Variants in SLC7A11 observed in about 807,000 individuals in gnomAD.
SLC7A11 encodes cystine/glutamate transporter.
SLC7A11 carries 35 observed loss-of-function variants against 54.5 expected under a neutral mutation model. That is an observed-to-expected ratio of 0.64 (90% confidence interval 0.49 to 0.85). The LOEUF (loss-of-function observed/expected upper bound fraction) is 0.85. SLC7A11 is among the 40% of genes least tolerant of loss of function. The probability of loss-of-function intolerance (pLI) is 0.00; values close to 1 mark genes in which losing one functional copy is unlikely to be tolerated. For missense variants in SLC7A11, 583 were observed against 618.1 expected, an observed-to-expected ratio of 0.94 and a Z score of 0.60; for synonymous variants, 230 against 225.2, an observed-to-expected ratio of 1.02 and a Z score of -0.19.
intron 9 of SLC7A11, among the ~76,000 whole-genome samples, 167 bp downstream of exon 9, chr4:138,182,130 A>G (rs554349502): frequency 1.3e-5 from 2 of 152,266 alleles, no homozygotes; most frequent in African/African-American, 4.8e-5. Context: ...CATCAGAAAC[A>G]TGGAGTAAAG....
At chr4:138,209,158 A>C (rs182884762) in intron 6 of SLC7A11, among the ~76,000 whole-genome samples, 32 of 152,132 alleles carry the variant, frequency 2.1e-4, no homozygotes, top group African/African-American at 6.0e-4. Context: ...ATTTTCACTA[A>C]TCTAAATTAA....
chr4:138,203,171 T>C (rs1350177444), intron 6 of SLC7A11, among the ~76,000 whole-genome samples: 28 of 152,128 alleles, frequency 1.8e-4, no homozygotes, highest in Admixed American at 1.8e-3. Context: ...CCTACATTTG[T>C]TCTCATATAT....
At chr4:138,229,054 CT>C (rs1560738890) in intron 3 of SLC7A11, among the ~76,000 whole-genome samples, 2 of 152,136 alleles carry the variant, frequency 1.3e-5, no homozygotes, top group South Asian at 4.2e-4. Context: ...ATTTGAAATT[CT>C]TTTTTTCTAT....
At chr4:138,223,963 G>C (rs1737879199) in intron 3 of SLC7A11, among the ~76,000 whole-genome samples, 1 of 152,126 alleles carries the variant, frequency 6.6e-6, no homozygotes, top group Non-Finnish European at 1.5e-5. Context: ...AGACTAACCA[G>C]GCTAGAATGC....
At chr4:138,174,220 G>C (rs1736508917) in intron 11 of SLC7A11, among the ~76,000 whole-genome samples, 1 of 152,160 alleles carries the variant, frequency 6.6e-6, no homozygotes, top group African/African-American at 2.4e-5. Context: ...TAGACATCTT[G>C]CTTCCGCATG....
intron 2 of SLC7A11, among the ~76,000 whole-genome samples, chr4:138,235,030 C>G (rs762633694): frequency 1.1e-4 from 16 of 152,232 alleles, no homozygotes; most frequent in African/African-American, 3.6e-4. Context: ...TCTTTGTATG[C>G]TTGAAATGTT....
At chr4:138,237,908 C>T (rs560323549) in intron 1 of SLC7A11, among the ~76,000 whole-genome samples, 5 of 149,276 alleles carry the variant, frequency 3.3e-5, no homozygotes, top group East Asian at 2.0e-4. Flanking sequence ...CCTGCCAGCA[C>T]GCCTGGCTAA....
At chr4:138,192,343 T>C (rs1216459985) in intron 6 of SLC7A11, among the ~76,000 whole-genome samples, 1 of 152,188 alleles carries the variant, frequency 6.6e-6, no homozygotes, top group Non-Finnish European at 1.5e-5. Flanking sequence ...GACATTCTTT[T>C]CCTGAGTGAG....
At chr4:138,182,908 A>G (rs547381847) in intron 8 of SLC7A11, among the ~76,000 whole-genome samples, 1 of 152,244 alleles carries the variant, frequency 6.6e-6, no homozygotes, top group African/African-American at 2.4e-5. Flanking sequence ...TGGCATCTTC[A>G]GAGAAACAGA....
Position 138,226,252 on chromosome 4 carries a change from A to T in SLC7A11, c.521-2928T>A, listed in dbSNP as rs549732451. ...GAAAACAGTATGGAAGTGTCTCAAA[A>T]AACTAAAAATAAATCTATCATATGA... On this transcript the variant is annotated intron_variant, in intron 3 of 11. Coordinates refer to ENST00000280612, the MANE Select transcript of SLC7A11 (RefSeq NM_014331.4). Among the ~76,000 whole-genome samples the T allele has an allele frequency of 2.6e-5, 4 of 152,232 alleles. No individual in the cohort carries two copies. In the South Asian group the frequency reaches 8.3e-4, roughly 32 times the overall value.
chr4:138,241,558 C>G (rs1455619586), intron 1 of SLC7A11, among the ~76,000 whole-genome samples: 1 of 152,088 alleles, frequency 6.6e-6, no homozygotes, highest in Non-Finnish European at 1.5e-5. Flanking sequence ...CAGAAGATAG[C>G]CTGTCTTAGT....
chr4:138,207,468 G>A (rs1490879764), intron 6 of SLC7A11, among the ~76,000 whole-genome samples: 1 of 152,084 alleles, frequency 6.6e-6, no homozygotes, highest in African/African-American at 2.4e-5. Context: ...ACTTTGGGAG[G>A]CTGAGGCAGG....
chr4:138,237,929 T>A (rs772564859), intron 1 of SLC7A11, among the ~76,000 whole-genome samples: 15 of 149,988 alleles, frequency 1.0e-4, no homozygotes, highest in Admixed American at 2.0e-4. Flanking sequence ...TTTTTTGTAT[T>A]TTTAGTAGAG....
intron 7 of SLC7A11, among the ~76,000 whole-genome samples, chr4:138,183,509 A>G (rs748120337): frequency 1.2e-4 from 19 of 152,152 alleles, no homozygotes; most frequent in Non-Finnish European, 1.2e-4. Context: ...TTGCAAAACT[A>G]TAGTCAAAGA....
At chr4:138,196,239 T>G (rs1053986234) in intron 6 of SLC7A11, among the ~76,000 whole-genome samples, 4 of 152,152 alleles carry the variant, frequency 2.6e-5, no homozygotes, top group African/African-American at 9.7e-5. Context: ...CAGCCACACC[T>G]GAACACTTCT....
intron 6 of SLC7A11, among the ~76,000 whole-genome samples, chr4:138,214,146 G>A (rs1737623507): frequency 6.6e-6 from 1 of 151,844 alleles, no homozygotes; most frequent in Admixed American, 6.6e-5. Flanking sequence ...TTTGTAACTA[G>A]TCGTCTATTA....
chr4:138,181,052 T>C (rs1736729457), intron 9 of SLC7A11, among the ~76,000 whole-genome samples: 1 of 152,110 alleles, frequency 6.6e-6, no homozygotes, highest in Non-Finnish European at 1.5e-5. Context: ...GTGTTGTGTT[T>C]TTAGTTCCTT....
In SLC7A11 at chr4:138,169,173, G is replaced by A. The variant is rs965030803; in HGVS notation, c.*2783C>T. 2.0e-5 allele frequency: 3 copies of A among 152,048 alleles called. No individual in the cohort carries two copies. Among genetic ancestry groups the A allele is most frequent in the African/African-American group, 2.4e-5 (1 of 41,440 alleles). 9.4% of individuals were successfully genotyped at this position (152,048 alleles called of 1,614,324 possible). On this transcript the variant is annotated 3_prime_UTR_variant, in exon 12 of 12. Transcript: ENST00000280612. ...GTACAGAACATGTAGTAAGTAGTAT[G>A]TGCATGTATGTGTGTGTGTGCATAT...
At chr4:138,192,377 T>C (rs78078464) in intron 6 of SLC7A11, among the ~76,000 whole-genome samples, 16,048 of 152,154 alleles carry the variant, frequency 0.11, 949 homozygotes, top group African/African-American at 0.16. Flanking sequence ...ACCTATAGCA[T>C]GACAAAGCCA....
Sources: allele counts gnomAD v4.1 joint callset (sites outside exome capture counted in the v4.1 genomes callset), GRCh38; gene constraint gnomAD v4.1.1; transcripts MANE v1.5; gene names NCBI Gene and HGNC (gene_info 2026-07-23, HGNC 2026-07-21).